The following EPCIP variants were observed in gnomAD, a reference collection of about 807,000 sequenced individuals.
The protein encoded by EPCIP is exosomal polycystin-1-interacting protein.
the EPCIP span, among the ~76,000 whole-genome samples, chr21:32,800,425 C>A: frequency 6.6e-6 from 1 of 152,234 alleles, no homozygotes; most frequent in Non-Finnish European, 1.5e-5. Context: ...AAATAATACT[C>A]AAACTGATTC....
chr21:32,813,378 T>C, the EPCIP span, among the ~76,000 whole-genome samples: 1 of 152,196 alleles, frequency 6.6e-6, no homozygotes, highest in Non-Finnish European at 1.5e-5. Context: ...TAAAGAGGAA[T>C]TCATATGCCT....
At chr21:32,798,546 A>C in the EPCIP span, 1 of 152,284 alleles carries the variant, frequency 6.6e-6, no homozygotes, top group Non-Finnish European at 1.5e-5. Context: ...GTTTCTCTCA[A>C]GTACCCCTCG....
chr21:32,794,743 G>A, the EPCIP span, among the ~76,000 whole-genome samples: 1 of 152,220 alleles, frequency 6.6e-6, no homozygotes, highest in Non-Finnish European at 1.5e-5. Flanking sequence ...CTGACAGTGA[G>A]ACCAACATGC....
the EPCIP span, among the ~76,000 whole-genome samples, chr21:32,800,953 A>G: frequency 6.6e-6 from 1 of 152,184 alleles, no homozygotes; most frequent in Non-Finnish European, 1.5e-5. Flanking sequence ...TATATCAGAG[A>G]CTTCTAGTCC....
the EPCIP span, among the ~76,000 whole-genome samples, chr21:32,809,152 G>A: frequency 6.7e-6 from 1 of 148,658 alleles, no homozygotes; most frequent in East Asian, 2.0e-4. Context: ...AGGCATCACG[G>A]CATGTTGTGG....
the EPCIP span, among the ~76,000 whole-genome samples, chr21:32,795,909 CTG>C: frequency 6.6e-6 from 1 of 152,312 alleles, no homozygotes; most frequent in South Asian, 2.1e-4. Context: ...GCAACTGTGA[CTG>C]TATTCATGCA....
At chr21:32,809,182 C>CGTGTGT in the EPCIP span, among the ~76,000 whole-genome samples, 41,754 of 120,894 alleles carry the variant, frequency 0.35, 8,915 homozygotes, top group East Asian at 0.54. Flanking sequence ...TCGAGGGGTG[C>CGTGTGT]GTGTGTGTGT....
chr21:32,794,576 A>G, the EPCIP span: 39 of 719,272 alleles, frequency 5.4e-5, no homozygotes, highest in East Asian at 3.5e-4. Flanking sequence ...AGTTGTAAAC[A>G]TTTCTTTCTT....
At chr21:32,808,255 G>A in the EPCIP span, among the ~76,000 whole-genome samples, 1 of 150,886 alleles carries the variant, frequency 6.6e-6, no homozygotes, top group East Asian at 1.9e-4. Context: ...AAGTTGCCAA[G>A]GAAAATGAGT....
chr21:32,809,364 C>T, the EPCIP span, among the ~76,000 whole-genome samples: 1 of 113,716 alleles, frequency 8.8e-6, no homozygotes, highest in African/African-American at 3.3e-5. Flanking sequence ...TCTTTTTCCT[C>T]TCTTCCTTTC....
the EPCIP span, chr21:32,793,925 T>C: frequency 6.2e-7 from 1 of 1,614,224 alleles, no homozygotes; most frequent in Non-Finnish European, 8.5e-7. Flanking sequence ...GAATGAGATA[T>C]ACATACATGG....
the EPCIP span, among the ~76,000 whole-genome samples, chr21:32,793,347 A>G: frequency 6.6e-6 from 1 of 152,186 alleles, no homozygotes. Context: ...GAAACAGAAA[A>G]AAATTAAGGC....
chr21:32,795,289 A>C, the EPCIP span, among the ~76,000 whole-genome samples: 1 of 152,316 alleles, frequency 6.6e-6, no homozygotes, highest in Admixed American at 6.5e-5. Context: ...AAGAACTTCT[A>C]AAAAATCTAA....
At chr21:32,792,918 T>A in the EPCIP span, among the ~76,000 whole-genome samples, 812 of 18,610 alleles carry the variant, frequency 0.044, 5 homozygotes, top group Admixed American at 0.072. Context: ...TATTATTATT[T>A]TTTTTTTTTT....
the EPCIP span, among the ~76,000 whole-genome samples, chr21:32,809,904 T>TAA: frequency 1.3e-5 from 2 of 148,240 alleles, no homozygotes; most frequent in East Asian, 2.0e-4. Context: ...TAAGATAAAT[T>TAA]AAAAAAAAAA....
the EPCIP span, chr21:32,793,659 A>G: frequency 9.9e-7 from 1 of 1,010,898 alleles, no homozygotes; most frequent in Non-Finnish European, 1.6e-6. Context: ...AGAGAGGCAC[A>G]GTTGTGGGTA....
chr21:32,807,656 G>A, the EPCIP span: 10 of 152,320 alleles, frequency 6.6e-5, no homozygotes, highest in Non-Finnish European at 1.3e-4. Flanking sequence ...TAGGATTGTC[G>A]AGTGTTAGCA....
At chr21:32,803,930 G>A in the EPCIP span, among the ~76,000 whole-genome samples, 5 of 152,148 alleles carry the variant, frequency 3.3e-5, no homozygotes, top group East Asian at 9.7e-4. Flanking sequence ...CATTGTGCGG[G>A]GCAGGAAATG....
chr21:32,804,578 A>G, the EPCIP span, among the ~76,000 whole-genome samples: 1 of 152,062 alleles, frequency 6.6e-6, no homozygotes, highest in African/African-American at 2.4e-5. Context: ...ATGTATTACC[A>G]TGCTCTGTGA....
Sources: gnomAD v4.1 joint callset for allele counts (sites outside exome capture counted in the v4.1 genomes callset) on GRCh38, gnomAD v4.1.1 for gene constraint, MANE v1.5 for transcripts, NCBI Gene and HGNC (gene_info 2026-07-23, HGNC 2026-07-21) for gene names.